The following ZCCHC2 variants were observed in gnomAD, a reference collection of about 807,000 sequenced individuals.
ZCCHC2 encodes zinc finger CCHC domain-containing protein 2.
A neutral mutation model predicts 103.6 loss-of-function variants in ZCCHC2; 39 were observed. That is an observed-to-expected ratio of 0.38 (90% CI 0.29 to 0.49). The LOEUF (loss-of-function observed/expected upper bound fraction) is 0.49, where lower values mean the gene tolerates loss of function less well. Ranked by LOEUF, ZCCHC2 falls within the 20% of genes least tolerant of loss-of-function variation. The pLI is 0.96. For synonymous variants in ZCCHC2, 687 were observed against 608.9 expected (o/e 1.13, Z -1.89); for missense variants, 1,483 against 1,491.0 (o/e 0.99, Z 0.09).
intron 1 of ZCCHC2, among the ~76,000 whole-genome samples, chr18:62,529,825 C>T (rs1278149045): frequency 2.6e-5 from 4 of 152,162 alleles, no homozygotes; most frequent in Non-Finnish European, 4.4e-5. Flanking sequence ...TATACATACC[C>T]ATGGTTTCTA....
rs33958360 is a variant in ZCCHC2 at position 62,541,563 on chromosome 18, A to T, written c.1052-935A>T. 1.8e-3 allele frequency among the ~76,000 whole-genome samples: 81 copies of T among 44,674 alleles called. No homozygotes were observed. In the African/African-American group the frequency reaches 0.019, roughly 10 times the overall value. The allele number at this position is 44,674 out of a possible 152,430, so 29.3% of individuals were successfully genotyped here. A position where few individuals can be genotyped will look rare whatever the true frequency, so the allele number is the denominator to read the frequency against. On this transcript the variant is annotated intron_variant, in intron 2 of 13. Coordinates refer to ENST00000269499, the MANE Select transcript of ZCCHC2 (RefSeq NM_017742.6). ...TCCTGAATCCAACAGTGTACCCCCC[A>T]CACCCATTCTGTTGAGTTACTTTCC...
chr18:62,563,399 T>G (rs1445878144), intron 9 of ZCCHC2, among the ~76,000 whole-genome samples: 1 of 152,192 alleles, frequency 6.6e-6, no homozygotes, highest in African/African-American at 2.4e-5. Flanking sequence ...TGGGTCACGC[T>G]TCTAATCCCA....
intron 6 of ZCCHC2, chr18:62,558,478 G>A (rs538862015): frequency 2.4e-5 from 8 of 329,302 alleles, no homozygotes; most frequent in East Asian, 5.2e-5. Flanking sequence ...CAGGTCAGTC[G>A]CTCTTCAGGG....
At chr18:62,539,907 A>G (rs1184203417) in intron 2 of ZCCHC2, 115 bp downstream of exon 2, 15 of 824,058 alleles carry the variant, frequency 1.8e-5, no homozygotes, top group South Asian at 6.7e-5. Context: ...GAGAAGTCCT[A>G]CTGGTCCTAG....
intron 1 of ZCCHC2, among the ~76,000 whole-genome samples, chr18:62,533,052 T>G (rs920686298): frequency 1.3e-4 from 20 of 149,886 alleles, no homozygotes; most frequent in Non-Finnish European, 1.5e-4. Context: ...CACTCCAGCC[T>G]GGGTAACAGA....
chr18:62,544,942 A>G (rs1915349711), intron 4 of ZCCHC2, 69 bp downstream of exon 4: 2 of 1,244,586 alleles, frequency 1.6e-6, no homozygotes, highest in South Asian at 3.0e-5. Context: ...CTCAACGTCA[A>G]AAAAACACCA....
rs984106990 is a variant in ZCCHC2 at position 62,523,500 on chromosome 18, G to A, written c.76G>A (p.Asp26Asn). ...PPPEAEEPEADARPGAKAPSR... is the reference protein window; with the variant it reads ...PPPEAEEPEANARPGAKAPSR... ...GCCCGAGGCGGAGGAGCCCGAGGCG[G>A]ACGCGCGGCCGGGCGCGAAGGCGCC... Residue 26 changes from aspartate (D) to asparagine (N), a missense_variant, in exon 1 of 14, where the codon GAC (aspartate) becomes AAC (asparagine). Physicochemically the swap from Asp to Asn is conservative, Grantham distance 23 (BLOSUM62 1). Coordinates refer to ENST00000269499, the MANE Select transcript of ZCCHC2 (RefSeq NM_017742.6). 26 of 997,560 alleles carry A rather than the reference G, an allele frequency of 2.6e-5. No individual in the cohort carries two copies. The African/African-American group carries it at 3.9e-4, about 15-fold the overall frequency. The allele number at this position is 997,560 out of a possible 1,614,324, so 61.8% of individuals were successfully genotyped here.
chr18:62,571,715 C>G (rs1422685077), intron 12 of ZCCHC2, among the ~76,000 whole-genome samples: 1 of 152,212 alleles, frequency 6.6e-6, no homozygotes, highest in Non-Finnish European at 1.5e-5. Context: ...TGGGCAGCAT[C>G]AAGTTACTTC....
In ZCCHC2 at chr18:62,531,521, C is replaced by T. The variant is rs528796049; in HGVS notation, c.939+7158C>T. 3.9e-5 allele frequency among the ~76,000 whole-genome samples: 6 copies of T among 152,230 alleles called. No homozygotes were observed. The South Asian group carries it at 6.2e-4, about 16-fold the overall frequency. On this transcript the variant is annotated intron_variant, in intron 1 of 13. Coordinates refer to ENST00000269499, the MANE Select transcript of ZCCHC2 (RefSeq NM_017742.6). ...TCCAGTATAAAATAGGGATATCATT[C>T]CTATCTGTTTCCTATAATTGTTGTG...
chr18:62,523,873 C>G lies in ZCCHC2; in HGVS notation c.449C>G (p.Ala150Gly). 1 of 1,543,492 alleles carries G rather than the reference C, an allele frequency of 6.5e-7. No homozygotes were observed. Among genetic ancestry groups the G allele is most frequent in the Non-Finnish European group, 8.7e-7 (1 of 1,146,018 alleles). The change falls in exon 1 of 14, where the codon GCC becomes GGC. Residue 150 changes from alanine to glycine, a missense_variant. Around this residue, in one of 3 missense-constraint regions of ZCCHC2, gnomAD observed 568 missense variants for 525.1 expected, o/e 1.08. Transcript: ENST00000269499. ...KDYHYLRDSE[A>G]KANGLSDPGP... ...TACCACTACCTGCGCGACTCGGAGG[C>G]CAAGGCCAACGGCCTCTCGGACCCG...
At chr18:62,533,690 A>T (rs766597963) in intron 1 of ZCCHC2, among the ~76,000 whole-genome samples, 6 of 151,926 alleles carry the variant, frequency 3.9e-5, no homozygotes, top group Non-Finnish European at 5.9e-5. Flanking sequence ...AACATAGTGA[A>T]ACCCTGTCTC....
chr18:62,542,871 C>G (rs555703071), intron 3 of ZCCHC2, among the ~76,000 whole-genome samples: 17 of 152,232 alleles, frequency 1.1e-4, no homozygotes, highest in African/African-American at 4.1e-4. Context: ...GTCAAGATCA[C>G]AGGCATTGTC....
At chr18:62,558,490 A>C in intron 6 of ZCCHC2, 197 bp from the exon 7 acceptor site, 28 of 335,506 alleles carry the variant, frequency 8.3e-5, no homozygotes, top group Non-Finnish European at 1.1e-4. Context: ...TCTTCAGGGA[A>C]CAGCTGGCCT....
chr18:62,528,599 GA>G (rs11409827), intron 1 of ZCCHC2, among the ~76,000 whole-genome samples: 23 of 144,888 alleles, frequency 1.6e-4, no homozygotes, highest in African/African-American at 2.6e-4. Flanking sequence ...ACTGTCTCGG[GA>G]AAAAAAAAAA....
intron 1 of ZCCHC2, among the ~76,000 whole-genome samples, chr18:62,532,173 C>T (rs1914711006): frequency 1.3e-5 from 2 of 152,222 alleles, no homozygotes; most frequent in Non-Finnish European, 1.5e-5. Context: ...TGAATGTCAA[C>T]TGTCACTCTA....
chr18:62,567,119 C>T (rs1301433353), intron 11 of ZCCHC2, among the ~76,000 whole-genome samples: 1 of 152,176 alleles, frequency 6.6e-6, no homozygotes, highest in Non-Finnish European at 1.5e-5. Context: ...TTTTGTACAG[C>T]TTGTCTTATT....
intron 2 of ZCCHC2, 99 bp downstream of exon 2, chr18:62,539,891 G>A: frequency 1.1e-6 from 1 of 924,044 alleles, no homozygotes; most frequent in East Asian, 2.7e-5. Context: ...TCTCCTTTTT[G>A]AAGTGGAGAA....
rs762497830 is a variant in ZCCHC2 at position 62,574,164 on chromosome 18, T to G, written c.2083T>G (p.Ser695Ala). The G allele has an allele frequency of 6.2e-7, 1 of 1,614,048 alleles. No individual in the cohort carries two copies. The highest frequency in any genetic ancestry group is 8.5e-7 in the Non-Finnish European group (1 of 1,179,898). Residue 695 changes from serine to alanine, a missense_variant, in exon 13 of 14, where the codon TCA (serine) becomes GCA (alanine). Ser to Ala is a moderately conservative substitution (Grantham distance 99). This residue lies in a region of ZCCHC2 where 884 missense variants were observed against 907.5 expected (regional missense o/e 0.97). Coordinates refer to ENST00000269499, the MANE Select transcript of ZCCHC2 (RefSeq NM_017742.6). The part of the protein sequence containing the change: ...VTVKPPVQIA[S>A]LGNENGNLLE... ...TGTCAAGCCACCTGTTCAAATTGCT[T>G]CACTAGGAAATGAGAATGGAAACCT...
intron 1 of ZCCHC2, chr18:62,525,561 A>G (rs1017579556): frequency 2.0e-5 from 3 of 152,190 alleles, no homozygotes; most frequent in African/African-American, 7.2e-5. Context: ...TGGGCATGGT[A>G]TTTCACTAGT....
Sources: allele counts gnomAD v4.1 joint callset (sites outside exome capture counted in the v4.1 genomes callset), GRCh38; gene constraint gnomAD v4.1.1; regional missense constraint gnomAD v4.1.1; transcripts MANE v1.5; gene names NCBI Gene and HGNC (gene_info 2026-07-23, HGNC 2026-07-21).